Variants in CD163 observed in about 807,000 individuals in gnomAD.
The protein encoded by CD163 is CD163 molecule, also known as scavenger receptor cysteine-rich type 1 protein M130.
Under a neutral mutation model 129.2 loss-of-function variants are expected in CD163, and 64 were observed. The observed-to-expected ratio is 0.50, with a 90% CI of 0.41 to 0.61. CD163 has a LOEUF of 0.61. CD163 is among the 20% of genes least tolerant of loss of function. CD163 has a pLI of 0.00. For missense variants in CD163, 1,061 were observed against 1,377.9 expected, an observed-to-expected ratio of 0.77 and a Z score of 3.64; for synonymous variants, 446 against 478.5, an observed-to-expected ratio of 0.93 and a Z score of 0.89.
At chr12:7,480,088 A>G in intron 15 of CD163, 175 bp from the exon 16 acceptor site, 1 of 1,179,114 alleles carries the variant, frequency 8.5e-7, no homozygotes. Context: ...ACCACCCATA[A>G]CTAGGAAGAA....
chr12:7,496,870 G>T lies in CD163; in HGVS notation c.1042C>A (p.His348Asn). Residue 348 changes from histidine to asparagine, a missense_variant, in exon 5 of 17, where the codon CAT (histidine) becomes AAT (asparagine). Coordinates refer to ENST00000432237, the MANE Select transcript of CD163 (RefSeq NM_203416.4). The surrounding 1 kb of genome is among the most constrained non-coding windows in gnomAD (Gnocchi z 4.8). ...HEPAIWQCKH[H>N]EWGKHYCNHN... ...TTGCAATAATGCTTTCCCCATTCATGGTGTTTACATTGCCAGATAGCAGGT... is the reference window on the plus strand; with the variant it reads ...TTGCAATAATGCTTTCCCCATTCATTGTGTTTACATTGCCAGATAGCAGGT... 6.2e-7 allele frequency: 1 copy of T among 1,614,068 alleles called. No individual in the cohort carries two copies.
At chr12:7,479,825 T>C in intron 16 of CD163, 35 bp downstream of exon 16, 1 of 1,603,424 alleles carries the variant, frequency 6.2e-7, no homozygotes, top group Non-Finnish European at 8.5e-7. Context: ...AATGCAGCTG[T>C]TTTGAACAAT....
rs1949399217 is a variant in CD163 at position 7,496,225 on chromosome 12, G to A, written c.1099+588C>T. On this transcript the variant is annotated intron_variant, in intron 5 of 16. Transcript: ENST00000432237. The surrounding 1 kb of genome is among the most constrained non-coding windows in gnomAD (Gnocchi z 4.8). ...TCATCCTCAGCAAACTAACACACAA[G>A]AACAGAAAACCAAACACTGCATGTT... is the stretch of plus-strand genomic sequence containing the variant. 6.6e-6 allele frequency among the ~76,000 whole-genome samples: 1 copy of A among 151,876 alleles called. No homozygotes were observed. The highest frequency in any genetic ancestry group is 1.5e-5 in the Non-Finnish European group (1 of 67,996).
At chr12:7,475,097 CAAAAAAAAAAAAAA>C (rs58901449) in intron 16 of CD163, among the ~76,000 whole-genome samples, 2 of 94,018 alleles carry the variant, frequency 2.1e-5, no homozygotes, top group Non-Finnish European at 2.0e-5. Flanking sequence ...GCCTACCAAC[CAAAAAAAAAAAAAA>C]AAAAAAACCA....
At chr12:7,482,862 A>C in intron 13 of CD163, 100 bp from the exon 14 acceptor site, 2 of 1,581,244 alleles carry the variant, frequency 1.3e-6, no homozygotes, top group Non-Finnish European at 1.7e-6. Context: ...TTGATCCCTG[A>C]GGTAAATATC....
At chr12:7,480,811 A>G in intron 15 of CD163, 2 of 901,908 alleles carry the variant, frequency 2.2e-6, no homozygotes, top group Non-Finnish European at 2.7e-6. Context: ...CCTTAAATAT[A>G]CACAACAAAA....
Position 7,485,033 on chromosome 12 carries a change from A to C in CD163, c.2779+63T>G, listed in dbSNP as rs746859586. The C allele has an allele frequency of 4.1e-5, 56 of 1,374,110 alleles. No homozygotes were observed. In the Middle Eastern group the frequency reaches 7.6e-4, roughly 19 times the overall value. The allele number at this position is 1,374,110 out of a possible 1,614,324, so 85.1% of individuals were successfully genotyped here. A position where few individuals can be genotyped will look rare whatever the true frequency, so the allele number is the denominator to read the frequency against. ...AATAGGAAAATAAAATCCAGTGTCC[A>C]TTATCAGAAGATGATAGCGGGGCTG... On this transcript the variant is annotated intron_variant, in intron 11 of 16. Transcript: ENST00000432237. The surrounding 1 kb of genome is among the most constrained non-coding windows in gnomAD (Gnocchi z 4.5).
At chr12:7,502,645 T>A (rs1460873214) in intron 1 of CD163, 81 bp from the exon 2 acceptor site, 2 of 767,754 alleles carry the variant, frequency 2.6e-6, no homozygotes, top group Non-Finnish European at 4.5e-6. Flanking sequence ...AGAGGTTAAT[T>A]AACAAAGAAG....
chr12:7,485,326 A>G lies in CD163; in HGVS notation c.2549T>C (p.Val850Ala). 6.2e-7 allele frequency: 1 copy of G among 1,614,198 alleles called. No homozygotes were observed. Among genetic ancestry groups the G allele is most frequent in the Non-Finnish European group, 8.5e-7 (1 of 1,180,028 alleles). ...GGTTTCAGACATGCTACTCTTGCCA[A>G]CAGTGCCCCAAGCTCCATTGTAAAA... Reference protein sequence around the residue: ...EVFYNGAWGTVGKSSMSETTV... With the variant: ...EVFYNGAWGTAGKSSMSETTV... The change falls in exon 11 of 17, where the codon GTT (valine) becomes GCT (alanine). Residue 850 changes from valine to alanine, a missense_variant. By Grantham distance (64) the Val-to-Ala change is moderately conservative. Coordinates refer to ENST00000432237, the MANE Select transcript of CD163 (RefSeq NM_203416.4). This position sits in a 1 kb window ranked among gnomAD's most constrained non-coding sequence, Gnocchi z 4.5.
At chr12:7,490,141 CAAAT>C (rs913446900) in intron 6 of CD163, among the ~76,000 whole-genome samples, 4 of 151,782 alleles carry the variant, frequency 2.6e-5, no homozygotes, top group African/African-American at 9.7e-5. Flanking sequence ...ATAAAACTAA[CAAAT>C]AAAGGAGTCA....
intron 16 of CD163, among the ~76,000 whole-genome samples, chr12:7,475,519 C>G (rs1949075265): frequency 6.6e-6 from 1 of 152,106 alleles, no homozygotes; most frequent in Non-Finnish European, 1.5e-5. Flanking sequence ...GCAGAAAACG[C>G]CTTCGATAAA....
At chr12:7,480,783 A>T (rs1051488440) in intron 15 of CD163, 1 of 737,654 alleles carries the variant, frequency 1.4e-6, no homozygotes, top group Non-Finnish European at 1.7e-6. Flanking sequence ...TATACATCCC[A>T]TAAAATCATG....
chr12:7,477,595 G>A (rs973388390), intron 16 of CD163, among the ~76,000 whole-genome samples: 2 of 152,054 alleles, frequency 1.3e-5, no homozygotes, highest in Admixed American at 6.6e-5. Context: ...CGGGGTGGGG[G>A]CAAGGGGAAG....
rs182538036 is a variant in CD163, at chr12:7,474,584, G to A, written c.*32-3187C>T. Among the ~76,000 whole-genome samples, 175 of 152,308 alleles carry A rather than the reference G, an allele frequency of 1.1e-3. 3 individuals are homozygous for A. Among genetic ancestry groups the A allele is most frequent in the Non-Finnish European group, 2.6e-4 (18 of 68,024 alleles). On this transcript the variant is annotated intron_variant, in intron 16 of 16. Coordinates refer to ENST00000432237, the MANE Select transcript of CD163 (RefSeq NM_203416.4). Reference sequence around the variant, plus strand: ...TGGGACACAGCTAAAGCAGTGTTAAGAGGGAAATGTATAGCACTAAATGCC... The same window carrying A: ...TGGGACACAGCTAAAGCAGTGTTAAAAGGGAAATGTATAGCACTAAATGCC...
chr12:7,480,444 A>G (rs1245681323), intron 15 of CD163: 1 of 152,596 alleles, frequency 6.6e-6, no homozygotes, highest in Non-Finnish European at 1.5e-5. Flanking sequence ...CAATAAAGAT[A>G]TTGAAAGTTT....
In CD163 at chr12:7,487,658, C is replaced by T. The variant is rs775827673; in HGVS notation, c.1751G>A (p.Arg584His). 4.2e-5 allele frequency: 67 copies of T among 1,613,956 alleles called. No individual in the cohort carries two copies. The highest frequency in any genetic ancestry group is 3.2e-4 in the African/African-American group (24 of 74,874). The change falls in exon 8 of 17, where the codon CGC becomes CAC. Residue 584 changes from arginine to histidine, a missense_variant. Transcript: ENST00000432237. This position sits in a 1 kb window ranked among gnomAD's most constrained non-coding sequence, Gnocchi z 5.1. ...GVVCSRYTEIRLVNGKTPCEG... is the reference protein window; with the variant it reads ...GVVCSRYTEIHLVNGKTPCEG... ...ACACGGGGTCTTGCCATTCACCAAG[C>T]GAATTTCTGTGTATCCTGGAAGGAG...
At chr12:7,491,042 T>C (rs1045518330) in intron 6 of CD163, among the ~76,000 whole-genome samples, 1 of 152,040 alleles carries the variant, frequency 6.6e-6, no homozygotes, top group Admixed American at 6.6e-5. Context: ...AAAGGCAGTC[T>C]CCTAGATCAA....
chr12:7,483,054 A>G (rs1949185235), intron 12 of CD163, 50 bp from the exon 13 acceptor site: 2 of 1,571,916 alleles, frequency 1.3e-6, no homozygotes, highest in Admixed American at 3.4e-5. Context: ...TGATATATAG[A>G]ACAAGCCTTC....
In CD163 at chr12:7,487,027, G is replaced by A. The variant is rs369050892; in HGVS notation, c.2051-41C>T. The A allele has an allele frequency of 3.2e-5, 48 of 1,482,580 alleles. No individual in the cohort carries two copies. Among genetic ancestry groups the A allele is most frequent in the African/African-American group, 2.6e-4 (19 of 72,282 alleles). The allele number at this position is 1,482,580 out of a possible 1,614,324, so 91.8% of individuals were successfully genotyped here. ...TACTCAGTCATACAAGACACAAAAG[G>A]TTAGGGGAGTCAGATGAAATGTTAT... On this transcript the variant is annotated intron_variant, in intron 8 of 16. Transcript: ENST00000432237. The surrounding 1 kb of genome is among the most constrained non-coding windows in gnomAD (Gnocchi z 5.1).
Sources: gnomAD v4.1 joint callset for allele counts (sites outside exome capture counted in the v4.1 genomes callset) on GRCh38, gnomAD v4.1.1 for gene constraint, Gnocchi (gnomAD v3.1) non-coding constraint, MANE v1.5 for transcripts, NCBI Gene and HGNC (gene_info 2026-07-23, HGNC 2026-07-21) for gene names.